Variants in C10orf90 observed in about 807,000 individuals in gnomAD.
C10orf90 encodes chromosome 10 open reading frame 90.
Under a neutral mutation model 62.5 loss-of-function variants are expected in C10orf90, and 56 were observed. The ratio of observed to expected loss-of-function variants is 0.90; its 90% CI spans 0.72 to 1.12. The LOEUF is 1.12. Among genes scored for constraint, C10orf90 ranks in the 50% most tolerant of loss-of-function variants. The probability of loss-of-function intolerance (pLI) is 0.00; values close to 1 mark genes in which losing one functional copy is unlikely to be tolerated. For synonymous variants in C10orf90, 386 were observed against 340.4 expected (o/e 1.13, Z -1.47); for missense variants, 970 against 880.4 (o/e 1.10, Z -1.29).
At chr10:126,514,351 A>C (rs1863312205) in intron 2 of C10orf90, among the ~76,000 whole-genome samples, 1 of 152,216 alleles carries the variant, frequency 6.6e-6, no homozygotes, top group African/African-American at 2.4e-5. Flanking sequence ...TCTTAATGCA[A>C]CCATCATTGG....
chr10:126,523,719 A>T (rs1863848587), intron 2 of C10orf90: 1 of 152,148 alleles, frequency 6.6e-6, no homozygotes, highest in Non-Finnish European at 1.5e-5. Flanking sequence ...TCCCCATTAA[A>T]CACTAACTCC....
At chr10:126,475,634 A>C (rs1564818682) in intron 4 of C10orf90, among the ~76,000 whole-genome samples, 1 of 147,040 alleles carries the variant, frequency 6.8e-6, no homozygotes, top group African/African-American at 2.6e-5. Context: ...GCAAAACTTA[A>C]TAACTTAATT....
At chr10:126,539,572 C>A (rs149249360) in intron 2 of C10orf90, among the ~76,000 whole-genome samples, 1 of 152,186 alleles carries the variant, frequency 6.6e-6, no homozygotes, top group East Asian at 1.9e-4. Flanking sequence ...GAAATAAATT[C>A]GTTCCATAAA....
At position 126,456,604 on chromosome 10, in the gene C10orf90, A is replaced by G. The variant is rs1859601788; in HGVS notation, c.2188+2436T>C. Among the ~76,000 whole-genome samples, 1 of 152,228 alleles carries G rather than the reference A, an allele frequency of 6.6e-6. No individual in the cohort carries two copies. The highest frequency in any genetic ancestry group is 2.4e-5 in the African/African-American group (1 of 41,460). Reference sequence around the variant, plus strand: ...CAACAAAAAGATATGTTTAAGTCCTAATCCCCCATAACTCTGAATGTGACT... The same window carrying G: ...CAACAAAAAGATATGTTTAAGTCCTGATCCCCCATAACTCTGAATGTGACT... On this transcript the variant is annotated intron_variant, in intron 7 of 9. Transcript: ENST00000488181. The surrounding 1 kb of genome is among the most constrained non-coding windows in gnomAD (Gnocchi z 4.9).
chr10:126,657,737 T>TC (rs1277200436), intron 1 of C10orf90, among the ~76,000 whole-genome samples: 1 of 151,670 alleles, frequency 6.6e-6, no homozygotes, highest in Non-Finnish European at 1.5e-5. Flanking sequence ...TGCCTCAGCC[T>TC]CCCGAGTAGC....
intron 2 of C10orf90, among the ~76,000 whole-genome samples, chr10:126,547,425 AAAAT>A (rs1864525989): frequency 1.3e-5 from 2 of 151,280 alleles, no homozygotes; most frequent in African/African-American, 4.9e-5. Context: ...AAAAAAAAAA[AAAAT>A]AAAATAAAGA....
intron 4 of C10orf90, among the ~76,000 whole-genome samples, chr10:126,468,213 T>A (rs147370496): frequency 0.042 from 6,312 of 152,062 alleles, 136 homozygotes; most frequent in Middle Eastern, 0.068. Flanking sequence ...GGATTACAGA[T>A]GCCCACCACC....
chr10:126,607,490 A>G (rs560954264), intron 2 of C10orf90, among the ~76,000 whole-genome samples: 2 of 152,338 alleles, frequency 1.3e-5, no homozygotes, highest in South Asian at 4.1e-4. Context: ...CACTTTAAGG[A>G]AAACAACTGA....
chr10:126,572,023 C>A (rs1844516627), intron 2 of C10orf90, among the ~76,000 whole-genome samples: 1 of 152,184 alleles, frequency 6.6e-6, no homozygotes, highest in African/African-American at 2.4e-5. Context: ...GTACATTTGT[C>A]AGAGGCATTT....
chr10:126,480,672 A>T (rs1399713853), intron 4 of C10orf90, among the ~76,000 whole-genome samples: 2 of 152,184 alleles, frequency 1.3e-5, no homozygotes, highest in African/African-American at 4.8e-5. Context: ...CCCTTAGTTC[A>T]ATGAATTCTT....
At chr10:126,463,560 T>C (rs1810080295) in intron 5 of C10orf90, among the ~76,000 whole-genome samples, 1 of 152,138 alleles carries the variant, frequency 6.6e-6, no homozygotes. Context: ...CCTTGCGCCC[T>C]GGCCCCACCC....
At chr10:126,582,595 A>G (rs1294981431) in intron 2 of C10orf90, among the ~76,000 whole-genome samples, 1 of 152,198 alleles carries the variant, frequency 6.6e-6, no homozygotes, top group Non-Finnish European at 1.5e-5. Context: ...GGAGACAAAG[A>G]TCCTCGATTT....
chr10:126,570,940 C>T (rs894672740), intron 2 of C10orf90, among the ~76,000 whole-genome samples: 1 of 152,178 alleles, frequency 6.6e-6, no homozygotes, highest in South Asian at 2.1e-4. Flanking sequence ...TTTCTCAATG[C>T]TCCCTGCTGC....
intron 4 of C10orf90, among the ~76,000 whole-genome samples, chr10:126,465,544 G>T (rs1358117263): frequency 6.6e-6 from 1 of 152,122 alleles, no homozygotes. Context: ...CTGATGCACA[G>T]TCAGCTTGAA....
intron 1 of C10orf90, among the ~76,000 whole-genome samples, chr10:126,656,148 G>T (rs143215631): frequency 2.0e-4 from 30 of 152,184 alleles, no homozygotes; most frequent in African/African-American, 6.0e-4. Context: ...CTTACCAAGG[G>T]CCAGGCACCA....
Position 126,438,306 on chromosome 10 carries a change from G to GA in C10orf90, c.2189-8457dup, listed in dbSNP as rs1858056713. Among the ~76,000 whole-genome samples the GA allele has an allele frequency of 2.6e-5, 4 of 152,254 alleles. 1 individual carries two copies. Among genetic ancestry groups the GA allele is most frequent in the African/African-American group, 9.6e-5 (4 of 41,538 alleles). ...TTTCTGACAGTGCCAGATTTCTATG[G>GA]AAAATGGCAAATTGAAACTCCAGTT... is the stretch of plus-strand genomic sequence containing the variant. On this transcript the variant is annotated intron_variant, in intron 7 of 9. Transcript: ENST00000488181.
chr10:126,468,347 G>A (rs759021949), intron 4 of C10orf90, among the ~76,000 whole-genome samples: 9 of 152,198 alleles, frequency 5.9e-5, no homozygotes, highest in African/African-American at 1.4e-4. Context: ...GATTACAGGC[G>A]TGAGCCGCCG....
intron 2 of C10orf90, among the ~76,000 whole-genome samples, chr10:126,607,769 T>A (rs1845344732): frequency 6.6e-6 from 1 of 152,216 alleles, no homozygotes; most frequent in Non-Finnish European, 1.5e-5. Flanking sequence ...AAGTATTAGA[T>A]CCATCAATGA....
intron 4 of C10orf90, among the ~76,000 whole-genome samples, chr10:126,479,495 G>A (rs1861061230): frequency 6.6e-6 from 1 of 152,178 alleles, no homozygotes; most frequent in African/African-American, 2.4e-5. Context: ...GTGCTCCTGG[G>A]CGCTGAGCTC....
Sources: gnomAD v4.1 joint callset for allele counts (sites outside exome capture counted in the v4.1 genomes callset) on GRCh38, gnomAD v4.1.1 for gene constraint, Gnocchi (gnomAD v3.1) non-coding constraint, MANE v1.5 for transcripts, NCBI Gene and HGNC (gene_info 2026-07-23, HGNC 2026-07-21) for gene names.